Variants in ACCS observed in about 807,000 individuals in gnomAD.
The protein encoded by ACCS is 1-aminocyclopropane-1-carboxylate synthase-like protein 1.
In ACCS, 42 loss-of-function variants were observed where a neutral mutation model predicts 59.8. That is an observed-to-expected ratio of 0.70 (90% confidence interval 0.55 to 0.91). The LOEUF is 0.91. Among genes scored for constraint, ACCS ranks in the 40% least tolerant of loss-of-function variants. The pLI is 0.00. For synonymous variants in ACCS, 230 were observed against 240.3 expected (o/e 0.96, Z 0.40); for missense variants, 602 against 630.4 (o/e 0.95, Z 0.48).
At chr11:44,077,488 G>C in intron 7 of ACCS, 112 bp downstream of exon 7, 1 of 1,527,378 alleles carries the variant, frequency 6.5e-7, no homozygotes, top group Non-Finnish European at 8.8e-7. Context: ...TGATGAGTAG[G>C]GAATGGAGCC....
intron 6 of ACCS, among the ~76,000 whole-genome samples, chr11:44,076,356 G>A (rs1212312874): frequency 6.6e-6 from 1 of 152,216 alleles, no homozygotes; most frequent in East Asian, 1.9e-4. Flanking sequence ...TTTATGCAGA[G>A]TATTTCATTT....
rs140927471 is a variant in ACCS, at chr11:44,073,700, C to T, written c.419+183C>T. Among the ~76,000 whole-genome samples the T allele has an allele frequency of 2.8e-3, 419 of 152,304 alleles. 2 individuals are homozygous for T. Among genetic ancestry groups the T allele is most frequent in the African/African-American group, 9.6e-3 (398 of 41,554 alleles). On this transcript the variant is annotated intron_variant, in intron 4 of 14. Transcript: ENST00000263776. ...CCCACAATGAAGAATGACCTGGCCC[C>T]GAACATCAGTAGTGGCAGGCTGAGG...
intron 10 of ACCS, chr11:44,080,662 T>G: frequency 3.2e-6 from 1 of 316,454 alleles, no homozygotes; most frequent in East Asian, 7.4e-5. Flanking sequence ...AAAGGGAGAG[T>G]CCAGGGAGCT....
chr11:44,069,657 T>A (rs972337629), intron 2 of ACCS, among the ~76,000 whole-genome samples: 1 of 152,212 alleles, frequency 6.6e-6, no homozygotes, highest in Admixed American at 6.5e-5. Context: ...CCAATGACAC[T>A]CTTATGCTTA....
intron 9 of ACCS, chr11:44,079,004 G>C (rs1953510472): frequency 3.7e-6 from 2 of 546,238 alleles, no homozygotes; most frequent in Non-Finnish European, 3.3e-6. Flanking sequence ...GCACACTCTA[G>C]GGGCCAGGCA....
chr11:44,073,031 A>T (rs1953135058), intron 3 of ACCS, among the ~76,000 whole-genome samples: 1 of 152,242 alleles, frequency 6.6e-6, no homozygotes, highest in Non-Finnish European at 1.5e-5. Flanking sequence ...GCAGGAAGAC[A>T]GTGGCCTAAG....
At chr11:44,079,139 T>G (rs444726) in intron 9 of ACCS, 1 of 363,364 alleles carries the variant, frequency 2.8e-6, no homozygotes, top group Non-Finnish European at 5.1e-6. Context: ...CTTACAACAA[T>G]CCTTACAACA....
chr11:44,072,330 G>A (rs1340800332), intron 3 of ACCS: 1 of 151,952 alleles, frequency 6.6e-6, no homozygotes. Context: ...GCTAATTTTT[G>A]TATTTTTAGT....
At chr11:44,075,615 C>T in intron 6 of ACCS, 23 bp downstream of exon 6, 5 of 1,612,612 alleles carry the variant, frequency 3.1e-6, no homozygotes, top group Non-Finnish European at 4.2e-6. Context: ...TGTGGCCTGC[C>T]CCGCACTGTG....
At chr11:44,070,935 G>T (rs113903794) in intron 2 of ACCS, among the ~76,000 whole-genome samples, 63 of 152,294 alleles carry the variant, frequency 4.1e-4, no homozygotes, top group Non-Finnish European at 6.8e-4. Context: ...CTCAGTCCCT[G>T]TGACCTGGGG....
In ACCS at chr11:44,074,637, C is replaced by G. The variant is rs148194399; in HGVS notation, c.445C>G (p.Leu149Val). The G allele has an allele frequency of 4.9e-5, 79 of 1,613,678 alleles. No homozygotes were observed. The African/African-American group carries it at 1.0e-3, about 21-fold the overall frequency. ...CCTCCGGGAGGAAGTGGCCAAGTTCCTGTCTTTCTACTGCAAGAGCCCAGT... is the reference window on the plus strand; with the variant it reads ...CCTCCGGGAGGAAGTGGCCAAGTTCGTGTCTTTCTACTGCAAGAGCCCAGT... ...LFLREEVAKFLSFYCKSPVPL... is the reference protein window; with the variant it reads ...LFLREEVAKFVSFYCKSPVPL... The change falls in exon 5 of 15, where the codon CTG becomes GTG. Residue 149 changes from leucine to valine, a missense_variant. By Grantham distance (32) the Leu-to-Val change is conservative. Coordinates refer to ENST00000263776, the MANE Select transcript of ACCS (RefSeq NM_032592.4).
Position 44,084,085 on chromosome 11 carries a change from C to G in ACCS, c.*293C>G, listed in dbSNP as rs1953760194. 1 of 359,278 alleles carries G rather than the reference C, an allele frequency of 2.8e-6. No individual in the cohort carries two copies. The allele number at this position is 359,278 out of a possible 1,614,324, so 22.3% of individuals were successfully genotyped here. ...TGACTGCTTCTAACCAGAGCCTCAG[C>G]CCCCCTGAGGATGTGAAAAGAAAAC... On this transcript the variant is annotated 3_prime_UTR_variant, in exon 15 of 15. Transcript: ENST00000263776.
intron 10 of ACCS, among the ~76,000 whole-genome samples, chr11:44,080,002 A>G (rs1953564414): frequency 6.6e-6 from 1 of 152,314 alleles, no homozygotes; most frequent in East Asian, 1.9e-4. Flanking sequence ...GAGTGTGCCA[A>G]ACACCTCTGG....
intron 8 of ACCS, chr11:44,078,398 A>ACAT: frequency 2.5e-6 from 1 of 400,278 alleles, no homozygotes; most frequent in Non-Finnish European, 4.4e-6. Context: ...TGAAAGCTAT[A>ACAT]CATACTCACT....
chr11:44,074,774 T>TTCTTTC lies in ACCS; in HGVS notation c.489+94_489+95insCTTTCT, dbSNP rs367633300. On this transcript the variant is annotated intron_variant, in intron 5 of 14. Transcript: ENST00000263776. Reference sequence around the variant, plus strand: ...TTTCTTTCTTTCTTTCTTTCTTTCTTTTTCTCTCTCTCTCTCTTTCTCTCC... The same window carrying TTCTTTC: ...TTTCTTTCTTTCTTTCTTTCTTTCTTTCTTTCTTTCTCTCTCTCTCTCTTTCTCTCC... The TTCTTTC allele has an allele frequency of 2.4e-3, 918 of 385,026 alleles. 55 individuals carry two copies. The highest frequency in any genetic ancestry group is 3.9e-3 in the East Asian group (59 of 15,048). 23.9% of individuals were successfully genotyped at this position (385,026 alleles called of 1,614,324 possible). A position where few individuals can be genotyped will look rare whatever the true frequency, so the allele number is the denominator to read the frequency against.
chr11:44,078,864 C>G, intron 9 of ACCS, 80 bp downstream of exon 9: 1 of 1,196,500 alleles, frequency 8.4e-7, no homozygotes. Flanking sequence ...GGTTTTTCTA[C>G]TCTCTTGACC....
chr11:44,082,997 C>T (rs1953707371), intron 12 of ACCS, among the ~76,000 whole-genome samples, 172 bp from the exon 13 acceptor site: 1 of 152,164 alleles, frequency 6.6e-6, no homozygotes, highest in African/African-American at 2.4e-5. Context: ...ACTGCATTTC[C>T]ATCCCTTCTT....
At position 44,077,273 on chromosome 11, in the gene ACCS, C is replaced by T. The variant is rs1229866235; in HGVS notation, c.557-6C>T. On this transcript the variant is annotated splice_region_variant and splice_polypyrimidine_tract_variant and intron_variant, in intron 6 of 14. Coordinates refer to ENST00000263776, the MANE Select transcript of ACCS (RefSeq NM_032592.4). ...GTGACAGGCCCTCGCCCACTCCTGC[C>T]CCCAGAGGCTTTCCTGATCCCCACC... 1.2e-6 allele frequency: 2 copies of T among 1,613,302 alleles called. No homozygotes were observed. Among genetic ancestry groups the T allele is most frequent in the Non-Finnish European group, 1.7e-6 (2 of 1,179,590 alleles).
At chr11:44,081,467 C>A (rs1953639101) in intron 12 of ACCS, 147 bp downstream of exon 12, 2 of 1,298,616 alleles carry the variant, frequency 1.5e-6, no homozygotes, top group Non-Finnish European at 2.1e-6. Context: ...GGGTCCATAC[C>A]CTATTTGGCC....
Sources: gnomAD v4.1 joint callset for allele counts (sites outside exome capture counted in the v4.1 genomes callset) on GRCh38, gnomAD v4.1.1 for gene constraint, MANE v1.5 for transcripts, NCBI Gene and HGNC (gene_info 2026-07-23, HGNC 2026-07-21) for gene names.